The following MAP3K20 variants were observed in gnomAD, a reference collection of about 807,000 sequenced individuals.
MAP3K20 encodes HCCS-4.
A neutral mutation model predicts 85.7 loss-of-function variants in MAP3K20; 40 were observed. That is an observed-to-expected ratio of 0.47 (90% CI 0.36 to 0.61). MAP3K20 has a LOEUF of 0.61. Among genes scored for constraint, MAP3K20 ranks in the 20% least tolerant of loss-of-function variants. The pLI, the probability that MAP3K20 is intolerant of heterozygous loss-of-function variation, is 0.00. For synonymous variants in MAP3K20, 325 were observed against 327.7 expected (o/e 0.99, Z 0.09); for missense variants, 817 against 961.7 (o/e 0.85, Z 1.99).
intron 11 of MAP3K20, chr2:173,227,155 T>TTACG: frequency 1.0e-6 from 1 of 984,506 alleles, no homozygotes; most frequent in Non-Finnish European, 1.2e-6. Context: ...AATCCCTTTG[T>TTACG]TACGTGTTGC....
intron 5 of MAP3K20, 66 bp downstream of exon 5, chr2:173,187,689 G>A (rs1690530691): frequency 2.2e-6 from 3 of 1,388,558 alleles, no homozygotes; most frequent in Non-Finnish European, 3.0e-6. Flanking sequence ...ATGTAGAAAT[G>A]AGCATCATTC....
At chr2:173,166,662 A>G (rs1475928859) in intron 2 of MAP3K20, 1 of 152,242 alleles carries the variant, frequency 6.6e-6, no homozygotes, top group African/African-American at 2.4e-5. Context: ...ATATTTACTG[A>G]AAATAAATGG....
chr2:173,241,590 G>A (rs906814912), intron 16 of MAP3K20, among the ~76,000 whole-genome samples: 3 of 152,066 alleles, frequency 2.0e-5, no homozygotes, highest in African/African-American at 7.3e-5. Context: ...ACTCTAGCCT[G>A]GGCAACAGAG....
intron 1 of MAP3K20, among the ~76,000 whole-genome samples, chr2:173,087,839 C>T (rs1050134610): frequency 4.2e-5 from 3 of 72,262 alleles, no homozygotes; most frequent in Admixed American, 2.1e-4. Flanking sequence ...ATTCAGGTAA[C>T]TAATGGGAGA....
At chr2:173,123,542 T>C (rs1243997924) in intron 2 of MAP3K20, among the ~76,000 whole-genome samples, 1 of 152,198 alleles carries the variant, frequency 6.6e-6, no homozygotes, top group Non-Finnish European at 1.5e-5. Flanking sequence ...AGCAAAAGTT[T>C]TCCAGAAAAA....
At chr2:173,129,163 GTGATC>G (rs1688536926) in intron 2 of MAP3K20, among the ~76,000 whole-genome samples, 1 of 151,914 alleles carries the variant, frequency 6.6e-6, no homozygotes, top group South Asian at 2.1e-4. Flanking sequence ...TCGTGACCTC[GTGATC>G]TGCCCTCCTC....
At chr2:173,215,305 C>T (rs911858256) in intron 10 of MAP3K20, among the ~76,000 whole-genome samples, 1 of 152,206 alleles carries the variant, frequency 6.6e-6, no homozygotes, top group African/African-American at 2.4e-5. Flanking sequence ...TGCCTTCTGA[C>T]CGCCTCACTG....
chr2:173,116,013 T>TA (rs201110882), intron 2 of MAP3K20, among the ~76,000 whole-genome samples: 50,662 of 145,108 alleles, frequency 0.35, 9,219 homozygotes, highest in Non-Finnish European at 0.43. Context: ...AGAGTCTAAT[T>TA]AAAAAAAAAA....
At chr2:173,140,849 T>A (rs1211536259) in intron 2 of MAP3K20, among the ~76,000 whole-genome samples, 2 of 152,070 alleles carry the variant, frequency 1.3e-5, no homozygotes, top group Non-Finnish European at 2.9e-5. Flanking sequence ...CACGAGTGCA[T>A]ATAAAACTGG....
chr2:173,199,038 C>T (rs1690944857), intron 8 of MAP3K20, among the ~76,000 whole-genome samples: 2 of 152,130 alleles, frequency 1.3e-5, no homozygotes, highest in African/African-American at 4.8e-5. Context: ...TCTTCATTTC[C>T]AAATCTTATC....
chr2:173,209,654 G>A (rs1683813354), intron 9 of MAP3K20, 75 bp from the exon 10 acceptor site: 3 of 1,218,958 alleles, frequency 2.5e-6, no homozygotes, highest in Non-Finnish European at 3.5e-6. Context: ...TACTATGCTT[G>A]TAGTATCTAC....
intron 9 of MAP3K20, among the ~76,000 whole-genome samples, chr2:173,204,963 C>T (rs891738115): frequency 4.6e-5 from 7 of 151,792 alleles, no homozygotes; most frequent in East Asian, 1.9e-4. Flanking sequence ...ATTAGCCGGG[C>T]GTGGTGGCGG....
Position 173,095,752 on chromosome 2 carries a change from C to G in MAP3K20, c.159+4562C>G, listed in dbSNP as rs145119733. 1.4e-4 allele frequency among the ~76,000 whole-genome samples: 22 copies of G among 152,236 alleles called. No homozygotes were observed. In the East Asian group the frequency reaches 4.2e-3, roughly 29 times the overall value. On this transcript the variant is annotated intron_variant, in intron 2 of 19. Coordinates refer to ENST00000375213, the MANE Select transcript of MAP3K20 (RefSeq NM_016653.3). ...TGCAGCTATATAATTGATTTCTCTT[C>G]CATTTGGAAGAACATTTAGAAAGCA...
intron 8 of MAP3K20, among the ~76,000 whole-genome samples, chr2:173,202,741 A>G (rs1683520015): frequency 6.6e-6 from 1 of 152,176 alleles, no homozygotes; most frequent in Non-Finnish European, 1.5e-5. Context: ...AGCAGCTACA[A>G]ATGCACCCGG....
intron 4 of MAP3K20, 136 bp from the exon 5 acceptor site, chr2:173,187,422 T>C (rs1304042894): frequency 1.2e-5 from 8 of 664,340 alleles, no homozygotes; most frequent in Non-Finnish European, 2.0e-5. Flanking sequence ...ATATTCTGTT[T>C]TCATTTTATC....
chr2:173,149,622 G>A (rs1263495778), intron 2 of MAP3K20, among the ~76,000 whole-genome samples: 3 of 152,026 alleles, frequency 2.0e-5, no homozygotes, highest in African/African-American at 4.8e-5. Context: ...CAGGGGGGAG[G>A]TGGTAAAAGA....
intron 7 of MAP3K20, 144 bp downstream of exon 7, chr2:173,191,321 C>T (rs570020741): frequency 1.8e-4 from 209 of 1,159,292 alleles, no homozygotes; most frequent in Middle Eastern, 2.8e-4. Context: ...CATTGGAGAA[C>T]GCTTCCTAGT....
intron 9 of MAP3K20, among the ~76,000 whole-genome samples, chr2:173,204,538 A>G (rs1683602392): frequency 6.6e-6 from 1 of 152,242 alleles, no homozygotes; most frequent in Non-Finnish European, 1.5e-5. Flanking sequence ...TTAGGCTTTC[A>G]TGTGGTTATC....
chr2:173,178,070 T>A (rs1205518882), intron 3 of MAP3K20, among the ~76,000 whole-genome samples: 3 of 152,188 alleles, frequency 2.0e-5, no homozygotes, highest in Non-Finnish European at 4.4e-5. Context: ...AAAGGATTTA[T>A]TAATCTAAAG....
Sources: allele counts gnomAD v4.1 joint callset (sites outside exome capture counted in the v4.1 genomes callset), GRCh38; gene constraint gnomAD v4.1.1; transcripts MANE v1.5; gene names NCBI Gene and HGNC (gene_info 2026-07-23, HGNC 2026-07-21).